The following IQCH variants were observed in gnomAD, a reference collection of about 807,000 sequenced individuals.
The protein encoded by IQCH is IQ motif containing H, also known as IQ domain-containing protein H.
IQCH carries 98 observed loss-of-function variants against 117.0 expected under a neutral mutation model. That is an observed-to-expected ratio of 0.84 (90% CI 0.71 to 0.99). The LOEUF (loss-of-function observed/expected upper bound fraction) is 0.99, where lower values mean the gene tolerates loss of function less well. IQCH is among the 50% of genes least tolerant of loss of function. The pLI is 0.00. For synonymous variants in IQCH, 412 were observed against 448.2 expected (o/e 0.92, Z 1.02); for missense variants, 1,102 against 1,243.8 (o/e 0.89, Z 1.72).
rs192402699 is a variant in IQCH, at chr15:67,351,394, A to G, written c.638-5951A>G. On this transcript the variant is annotated intron_variant, in intron 6 of 20. Transcript: ENST00000335894. ...CTGAAGGTGATGGTTTGAATAGACC[A>G]TAGTTAATTTATCCAGTCTTCTGTT... Among the ~76,000 whole-genome samples, 470 of 152,274 alleles carry G rather than the reference A, an allele frequency of 3.1e-3. 3 individuals carry two copies. Among genetic ancestry groups the G allele is most frequent in the African/African-American group, 0.011 (452 of 41,542 alleles).
intron 3 of IQCH, among the ~76,000 whole-genome samples, chr15:67,273,337 T>C (rs1371710843): frequency 6.6e-6 from 1 of 152,172 alleles, no homozygotes; most frequent in Non-Finnish European, 1.5e-5. Context: ...CCCAAAGTGC[T>C]GAGATTATAG....
Position 67,475,864 on chromosome 15 carries a change from T to C in IQCH, c.2799+46T>C, listed in dbSNP as rs768608968. On this transcript the variant is annotated intron_variant, in intron 18 of 20. Coordinates refer to ENST00000335894, the MANE Select transcript of IQCH (RefSeq NM_001031715.3). The surrounding 1 kb of genome is among the most constrained non-coding windows in gnomAD (Gnocchi z 5.7). ...CCAGGGGCGGCCAAAGACATGCCTG[T>C]GGGTGATCTAGGTAGCTAATAATTT... The C allele has an allele frequency of 6.4e-7, 1 of 1,552,692 alleles. No individual in the cohort carries two copies. Among genetic ancestry groups the C allele is most frequent in the Non-Finnish European group, 8.9e-7 (1 of 1,127,040 alleles).
At chr15:67,285,150 C>G (rs1392711062) in intron 4 of IQCH, among the ~76,000 whole-genome samples, 1 of 152,190 alleles carries the variant, frequency 6.6e-6, no homozygotes, top group Non-Finnish European at 1.5e-5. Context: ...AATCACCATT[C>G]TGACTGGTGT....
chr15:67,455,850 G>A (rs946454137), intron 16 of IQCH, among the ~76,000 whole-genome samples: 32 of 152,196 alleles, frequency 2.1e-4, no homozygotes, highest in African/African-American at 1.9e-4. Flanking sequence ...TTGAATTGCC[G>A]TGGAAGGCGC....
At chr15:67,379,489 C>G (rs1329718738) in intron 10 of IQCH, among the ~76,000 whole-genome samples, 1 of 152,134 alleles carries the variant, frequency 6.6e-6, no homozygotes, top group Non-Finnish European at 1.5e-5. Context: ...TTCTCAGTAT[C>G]CCCTTGGGTT....
chr15:67,435,801 G>A lies in IQCH; in HGVS notation c.2505+14224G>A, dbSNP rs151134831. The stretch of plus-strand genomic sequence containing the variant: ...GCACGAGAATCTCTTGAACCCAGGA[G>A]GCAGAGGTTGTAGTGAGCCAAGATG... On this transcript the variant is annotated intron_variant, in intron 16 of 20. Transcript: ENST00000335894. Among the ~76,000 whole-genome samples, 816 of 152,062 alleles carry A rather than the reference G, an allele frequency of 5.4e-3. 4 individuals carry two copies. Among genetic ancestry groups the A allele is most frequent in the African/African-American group, 0.019 (786 of 41,466 alleles).
At chr15:67,495,639 C>T (rs921530786) in intron 20 of IQCH, among the ~76,000 whole-genome samples, 1 of 152,214 alleles carries the variant, frequency 6.6e-6, no homozygotes, top group Admixed American at 6.5e-5. Flanking sequence ...GATGCTTTAA[C>T]CTCAAATGCA....
intron 19 of IQCH, among the ~76,000 whole-genome samples, chr15:67,492,588 C>T (rs1471628043): frequency 6.6e-6 from 1 of 152,178 alleles, no homozygotes; most frequent in African/African-American, 2.4e-5. Flanking sequence ...ACCAGAGGCA[C>T]TCAGAGAGGA....
At chr15:67,326,743 GA>G (rs1267512561) in intron 4 of IQCH, among the ~76,000 whole-genome samples, 1 of 152,096 alleles carries the variant, frequency 6.6e-6, no homozygotes, top group African/African-American at 2.4e-5. Context: ...GCAGCTTATA[GA>G]AAACAACAAT....
At chr15:67,397,979 A>T (rs1258268208) in intron 13 of IQCH, among the ~76,000 whole-genome samples, 1 of 152,168 alleles carries the variant, frequency 6.6e-6, no homozygotes, top group Non-Finnish European at 1.5e-5. Flanking sequence ...ATTTTAAAGC[A>T]CTGTTCAATT....
rs1028950175 is a variant in IQCH at position 67,381,579 on chromosome 15, C to T, written c.1373-3357C>T. 6.6e-6 allele frequency among the ~76,000 whole-genome samples: 1 copy of T among 152,132 alleles called. No homozygotes were observed. Among genetic ancestry groups the T allele is most frequent in the Non-Finnish European group, 1.5e-5 (1 of 68,034 alleles). On this transcript the variant is annotated intron_variant, in intron 10 of 20. Transcript: ENST00000335894. The surrounding 1 kb of genome is among the most constrained non-coding windows in gnomAD (Gnocchi z 5.1). ...AGGACCTGGAAAAAGCTACAAATCC[C>T]ACTTACCATTCTTTGAATTCTCCAG...
At chr15:67,273,139 C>T (rs1445369254) in intron 3 of IQCH, among the ~76,000 whole-genome samples, 1 of 152,044 alleles carries the variant, frequency 6.6e-6, no homozygotes, top group East Asian at 1.9e-4. Flanking sequence ...GTTGCAATCT[C>T]GGCTCACTGC....
At chr15:67,480,108 A>G (rs924668605) in intron 18 of IQCH, among the ~76,000 whole-genome samples, 3 of 152,240 alleles carry the variant, frequency 2.0e-5, no homozygotes, top group Admixed American at 6.5e-5. Context: ...TCACACATAC[A>G]TAGGCAATGT....
chr15:67,321,856 A>G (rs1191058092), intron 4 of IQCH, among the ~76,000 whole-genome samples: 1 of 152,146 alleles, frequency 6.6e-6, no homozygotes, highest in Non-Finnish European at 1.5e-5. Flanking sequence ...AATCTTTTGA[A>G]ATTGATTGAA....
At chr15:67,464,096 T>A (rs1448655123) in intron 16 of IQCH, among the ~76,000 whole-genome samples, 1 of 152,232 alleles carries the variant, frequency 6.6e-6, no homozygotes, top group Non-Finnish European at 1.5e-5. Context: ...CCCAAAGTGC[T>A]GGGATTACAG....
At position 67,276,469 on chromosome 15, in the gene IQCH, A is replaced by G. The variant is rs1056253152; in HGVS notation, c.270-2926A>G. Among the ~76,000 whole-genome samples, 4 of 152,178 alleles carry G rather than the reference A, an allele frequency of 2.6e-5. No individual in the cohort carries two copies. The South Asian group carries it at 6.2e-4, about 24-fold the overall frequency. Reference sequence around the variant, plus strand: ...GCCTCATATATCCCATAGCAAACATATATAATTTTCCTTCCCTCCAAAGAA... The same window carrying G: ...GCCTCATATATCCCATAGCAAACATGTATAATTTTCCTTCCCTCCAAAGAA... On this transcript the variant is annotated intron_variant, in intron 3 of 20. Coordinates refer to ENST00000335894, the MANE Select transcript of IQCH (RefSeq NM_001031715.3).
chr15:67,289,074 A>G (rs1966667640), intron 4 of IQCH, among the ~76,000 whole-genome samples: 1 of 152,140 alleles, frequency 6.6e-6, no homozygotes, highest in Admixed American at 6.6e-5. Context: ...GTTAAAATGT[A>G]GACAGTATTG....
At chr15:67,256,420 CTT>C (rs1318331154) in intron 1 of IQCH, among the ~76,000 whole-genome samples, 1 of 152,178 alleles carries the variant, frequency 6.6e-6, no homozygotes. Context: ...CTCCTGAATA[CTT>C]TTAGTTTCCC....
Position 67,490,196 on chromosome 15 carries a change from C to T in IQCH, c.2861+132C>T, listed in dbSNP as rs932032160. The stretch of plus-strand genomic sequence containing the variant: ...AGAAGTCTATCTTTATTTAGATCTT[C>T]AGGTATTTTATTTTATTCTATTTTT... On this transcript the variant is annotated intron_variant, in intron 19 of 20. Coordinates refer to ENST00000335894, the MANE Select transcript of IQCH (RefSeq NM_001031715.3). The surrounding 1 kb of genome is among the most constrained non-coding windows in gnomAD (Gnocchi z 4.9). 1.4e-6 allele frequency: 1 copy of T among 727,412 alleles called. No homozygotes were observed. Among genetic ancestry groups the T allele is most frequent in the Non-Finnish European group, 2.4e-6 (1 of 423,758 alleles). The allele number at this position is 727,412 out of a possible 1,614,324, so 45.1% of individuals were successfully genotyped here.
Sources: gnomAD v4.1 joint callset for allele counts (sites outside exome capture counted in the v4.1 genomes callset) on GRCh38, gnomAD v4.1.1 for gene constraint, Gnocchi (gnomAD v3.1) non-coding constraint, MANE v1.5 for transcripts, NCBI Gene and HGNC (gene_info 2026-07-23, HGNC 2026-07-21) for gene names.